The following GABRG1 variants were observed in gnomAD, a reference collection of about 807,000 sequenced individuals.
GABRG1 encodes the protein gamma-aminobutyric acid receptor subunit gamma-1.
A neutral mutation model predicts 49.8 loss-of-function variants in GABRG1; 49 were observed. That is an observed-to-expected ratio of 0.98 (90% CI 0.78 to 1.25). The LOEUF is 1.25. Ranked by LOEUF, GABRG1 falls within the 50% of genes most tolerant of loss-of-function variation. The pLI is 0.00. For missense variants in GABRG1, 552 were observed against 552.3 expected (o/e 1.00, Z 0.01); for synonymous variants, 232 against 185.1 (o/e 1.25, Z -2.06).
intron 2 of GABRG1, among the ~76,000 whole-genome samples, chr4:46,089,651 C>A (rs900579373): frequency 6.6e-6 from 1 of 151,984 alleles, no homozygotes; most frequent in Admixed American, 6.6e-5. Flanking sequence ...ATAGAATCTA[C>A]TTGTAAAGTT....
intron 1 of GABRG1, among the ~76,000 whole-genome samples, chr4:46,114,674 A>T (rs1720830132): frequency 6.6e-6 from 1 of 150,966 alleles, no homozygotes; most frequent in African/African-American, 2.4e-5. Flanking sequence ...AAAAAAATTT[A>T]AATCCTATTG....
intron 1 of GABRG1, among the ~76,000 whole-genome samples, chr4:46,108,080 AT>A (rs1720610852): frequency 1.3e-5 from 2 of 151,214 alleles, no homozygotes; most frequent in Admixed American, 1.3e-4. Context: ...AAAAATTATT[AT>A]ATTAGTAAAT....
At position 46,038,788 on chromosome 4, in the gene GABRG1, C is replaced by A. The variant is rs1717634235; in HGVS notation, c.*2200G>T. 6.6e-6 allele frequency: 1 copy of A among 151,606 alleles called. No homozygotes were observed. The allele number at this position is 151,606 out of a possible 1,614,324, so 9.4% of individuals were successfully genotyped here. A position where few individuals can be genotyped will look rare whatever the true frequency, so the allele number is the denominator to read the frequency against. On this transcript the variant is annotated 3_prime_UTR_variant, in exon 9 of 9. Coordinates refer to ENST00000295452, the MANE Select transcript of GABRG1 (RefSeq NM_173536.4). ...TACCACTTGCTTTGAAAACAAAGTG[C>A]TTGCTTGATGGTATATACAAGGAAA...
intron 3 of GABRG1, among the ~76,000 whole-genome samples, chr4:46,076,739 TA>T (rs1184084292): frequency 2.6e-5 from 4 of 151,520 alleles, no homozygotes; most frequent in Admixed American, 2.0e-4. Context: ...TACTAACCCA[TA>T]AAAAACTAAA....
intron 3 of GABRG1, among the ~76,000 whole-genome samples, chr4:46,079,478 A>G (rs1187103396): frequency 6.6e-6 from 1 of 151,908 alleles, no homozygotes; most frequent in Non-Finnish European, 1.5e-5. Flanking sequence ...ATTGGAAAAT[A>G]TTTAAATTAA....
At chr4:46,084,280 A>C (rs1577654998) in intron 2 of GABRG1, among the ~76,000 whole-genome samples, 1 of 151,846 alleles carries the variant, frequency 6.6e-6, no homozygotes, top group East Asian at 1.9e-4. Flanking sequence ...GATAATGCAG[A>C]AAAATGACCT....
intron 3 of GABRG1, among the ~76,000 whole-genome samples, chr4:46,066,852 T>C (rs1365127474): frequency 1.3e-5 from 2 of 151,196 alleles, no homozygotes; most frequent in African/African-American, 4.9e-5. Flanking sequence ...ATTATATATA[T>C]GTACTATATA....
intron 1 of GABRG1, among the ~76,000 whole-genome samples, chr4:46,118,268 ATC>A (rs1442719597): frequency 1.7e-4 from 26 of 149,504 alleles, no homozygotes; most frequent in African/African-American, 6.1e-4. Context: ...CTATCTATCT[ATC>A]TATCTATCTA....
rs939625745 is a variant in GABRG1, at chr4:46,038,233, A to C, written c.*2755T>G. ...TTTTTTTTAGAACTTACTTGGGTTT[A>C]CAAAAATTAATTTAAGTGAGCCTAA... On this transcript the variant is annotated 3_prime_UTR_variant, in exon 9 of 9. Coordinates refer to ENST00000295452, the MANE Select transcript of GABRG1 (RefSeq NM_173536.4). The C allele has an allele frequency of 5.3e-5, 8 of 151,624 alleles. No homozygotes were observed. Among genetic ancestry groups the C allele is most frequent in the African/African-American group, 1.9e-4 (8 of 41,376 alleles). The allele number at this position is 151,624 out of a possible 1,614,324, so 9.4% of individuals were successfully genotyped here.
At chr4:46,077,555 T>A (rs1719401522) in intron 3 of GABRG1, among the ~76,000 whole-genome samples, 1 of 151,914 alleles carries the variant, frequency 6.6e-6, no homozygotes, top group South Asian at 2.1e-4. Flanking sequence ...ATGAAGAACA[T>A]CTTTAGAAGA....
rs1213705657 is a variant in GABRG1 at position 46,038,191 on chromosome 4, T to G, written c.*2797A>C. On this transcript the variant is annotated 3_prime_UTR_variant, in exon 9 of 9. Coordinates refer to ENST00000295452, the MANE Select transcript of GABRG1 (RefSeq NM_173536.4). ...CCTGTCCCTGCTAAATTCTCAAGTATTCTATGTATTTTTTACTTTTTTTTA... is the reference window on the plus strand; with the variant it reads ...CCTGTCCCTGCTAAATTCTCAAGTAGTCTATGTATTTTTTACTTTTTTTTA... 6.6e-6 allele frequency: 1 copy of G among 151,750 alleles called. No individual in the cohort carries two copies. Among genetic ancestry groups the G allele is most frequent in the African/African-American group, 2.4e-5 (1 of 41,426 alleles). The allele number at this position is 151,750 out of a possible 1,614,324, so 9.4% of individuals were successfully genotyped here. A position where few individuals can be genotyped will look rare whatever the true frequency, so the allele number is the denominator to read the frequency against.
chr4:46,122,371 T>C (rs539236935), intron 1 of GABRG1, among the ~76,000 whole-genome samples: 43 of 152,256 alleles, frequency 2.8e-4, no homozygotes, highest in African/African-American at 9.9e-4. Context: ...CTGTTTTTAC[T>C]TTTGTAATAT....
intron 2 of GABRG1, among the ~76,000 whole-genome samples, chr4:46,096,535 T>C (rs922932757): frequency 6.6e-6 from 1 of 151,700 alleles, no homozygotes; most frequent in Admixed American, 6.6e-5. Context: ...CTTTTCCCTA[T>C]CACTGCTCAG....
chr4:46,065,545 C>T lies in GABRG1; in HGVS notation c.361G>A (p.Asp121Asn). 1 of 1,604,242 alleles carries T rather than the reference C, an allele frequency of 6.2e-7. No individual in the cohort carries two copies. The highest frequency in any genetic ancestry group is 8.5e-7 in the Non-Finnish European group (1 of 1,171,766). Reference sequence around the variant, plus strand: ...GTACTATTGAATTTTAAACGACTGTCAAACCAGGTTTGGGCAAAAATTATA... The same window carrying T: ...GTACTATTGAATTTTAAACGACTGTTAAACCAGGTTTGGGCAAAAATTATA... ...IDIIFAQTWF[D>N]SRLKFNSTMK... Residue 121 changes from aspartate (D) to asparagine (N), a missense_variant, in exon 4 of 9, where the codon GAC becomes AAC. Transcript: ENST00000295452.
intron 1 of GABRG1, among the ~76,000 whole-genome samples, chr4:46,102,064 G>A (rs939173457): frequency 1.3e-5 from 2 of 151,624 alleles, no homozygotes; most frequent in African/African-American, 4.8e-5. Context: ...GCCTACCTAA[G>A]AATGAACTTC....
chr4:46,104,829 A>G (rs1363849789), intron 1 of GABRG1, among the ~76,000 whole-genome samples: 1 of 151,448 alleles, frequency 6.6e-6, no homozygotes, highest in Non-Finnish European at 1.5e-5. Flanking sequence ...AAGAAAGATC[A>G]TGGAAAATAG....
At chr4:46,077,871 A>T (rs1456560410) in intron 3 of GABRG1, among the ~76,000 whole-genome samples, 1 of 151,754 alleles carries the variant, frequency 6.6e-6, no homozygotes, top group Non-Finnish European at 1.5e-5. Flanking sequence ...ATTTTTAGAG[A>T]TTCTAAGGTT....
At chr4:46,048,812 T>TA in intron 8 of GABRG1, among the ~76,000 whole-genome samples, 1 of 152,006 alleles carries the variant, frequency 6.6e-6, no homozygotes, top group Admixed American at 6.6e-5. Flanking sequence ...GAGAGTAAGT[T>TA]AAAACGGGTG....
chr4:46,117,627 CATATGT>C (rs1346846845), intron 1 of GABRG1, among the ~76,000 whole-genome samples: 1 of 140,098 alleles, frequency 7.1e-6, no homozygotes, highest in African/African-American at 2.6e-5. Flanking sequence ...TATATATACA[CATATGT>C]ATACATATAT....
Sources: gnomAD v4.1 joint callset for allele counts (sites outside exome capture counted in the v4.1 genomes callset) on GRCh38, gnomAD v4.1.1 for gene constraint, MANE v1.5 for transcripts, NCBI Gene and HGNC (gene_info 2026-07-23, HGNC 2026-07-21) for gene names.